The following CSGALNACT1 variants were observed in gnomAD, a reference collection of about 807,000 sequenced individuals.
CSGALNACT1 encodes the protein beta4GalNAcT-1.
A neutral mutation model predicts 51.0 loss-of-function variants in CSGALNACT1; 52 were observed. That is an observed-to-expected ratio of 1.02 (90% confidence interval 0.82 to 1.29). CSGALNACT1 has a LOEUF of 1.29. Ranked by LOEUF, CSGALNACT1 falls within the 50% of genes most tolerant of loss-of-function variation. The probability of loss-of-function intolerance (pLI) is 0.00; values close to 1 mark genes in which losing one functional copy is unlikely to be tolerated. For missense variants in CSGALNACT1, 935 were observed against 679.2 expected, an observed-to-expected ratio of 1.38 and a Z score of -4.19; for synonymous variants, 341 against 254.4, an observed-to-expected ratio of 1.34 and a Z score of -3.24.
At chr8:19,644,526 A>G (rs762346882) in intron 1 of CSGALNACT1, among the ~76,000 whole-genome samples, 43 of 151,564 alleles carry the variant, frequency 2.8e-4, no homozygotes, top group Non-Finnish European at 4.1e-4. Flanking sequence ...CCTGGCCAAC[A>G]TGGTAAAACC....
At chr8:19,623,822 C>T (rs948174383) in intron 1 of CSGALNACT1, among the ~76,000 whole-genome samples, 1 of 152,228 alleles carries the variant, frequency 6.6e-6, no homozygotes, top group Non-Finnish European at 1.5e-5. Context: ...TTCATCTATT[C>T]ACTGAAAGTG....
chr8:19,660,512 A>G (rs1398208616), intron 1 of CSGALNACT1, among the ~76,000 whole-genome samples: 1 of 152,164 alleles, frequency 6.6e-6, no homozygotes, highest in Admixed American at 6.5e-5. Flanking sequence ...AATTGGGAGG[A>G]ATACCAATGC....
chr8:19,711,996 G>T (rs1421329186), intron 1 of CSGALNACT1, among the ~76,000 whole-genome samples: 1 of 152,134 alleles, frequency 6.6e-6, no homozygotes, highest in Non-Finnish European at 1.5e-5. Context: ...GAAATAATAA[G>T]TGGTGAAGCC....
At chr8:19,530,237 C>A (rs1232950726) in intron 3 of CSGALNACT1, among the ~76,000 whole-genome samples, 1 of 150,786 alleles carries the variant, frequency 6.6e-6, no homozygotes, top group Non-Finnish European at 1.5e-5. Context: ...CAAAACAAAA[C>A]AAAACAAAAC....
At chr8:19,507,372 A>C (rs10105097) in intron 3 of CSGALNACT1, among the ~76,000 whole-genome samples, 63,684 of 151,260 alleles carry the variant, frequency 0.42, 14,323 homozygotes, top group African/African-American at 0.58. Flanking sequence ...CTCAATCTCA[A>C]CAAATGAGAA....
chr8:19,553,152 A>T (rs1195472531), intron 3 of CSGALNACT1, among the ~76,000 whole-genome samples: 2 of 152,188 alleles, frequency 1.3e-5, no homozygotes, highest in East Asian at 3.8e-4. Flanking sequence ...TATGTGAGAA[A>T]CAAAACAACA....
At chr8:19,726,101 G>T (rs1564475667) in intron 1 of CSGALNACT1, among the ~76,000 whole-genome samples, 1 of 152,040 alleles carries the variant, frequency 6.6e-6, no homozygotes, top group African/African-American at 2.4e-5. Flanking sequence ...ATGCGGCCTT[G>T]AATTTCCTAA....
intron 1 of CSGALNACT1, among the ~76,000 whole-genome samples, chr8:19,716,441 C>A (rs56359836): frequency 1.3e-5 from 2 of 151,738 alleles, no homozygotes; most frequent in African/African-American, 4.8e-5. Flanking sequence ...AAAACCATTT[C>A]TTCTTTGATA....
At chr8:19,493,968 A>G (rs1355939992) in intron 4 of CSGALNACT1, among the ~76,000 whole-genome samples, 1 of 151,998 alleles carries the variant, frequency 6.6e-6, no homozygotes, top group Non-Finnish European at 1.5e-5. Context: ...GAAACTGCCA[A>G]ACTATTTTCC....
At chr8:19,618,005 A>T (rs573328648) in intron 1 of CSGALNACT1, among the ~76,000 whole-genome samples, 80 of 151,918 alleles carry the variant, frequency 5.3e-4, no homozygotes, top group African/African-American at 1.8e-3. Context: ...TCAGCCCCCA[A>T]GCAGCTAGGA....
chr8:19,579,948 A>G (rs1172790995), intron 3 of CSGALNACT1, among the ~76,000 whole-genome samples: 1 of 152,232 alleles, frequency 6.6e-6, no homozygotes, highest in Non-Finnish European at 1.5e-5. Flanking sequence ...AGGAGGAGGA[A>G]GAGGAGGAGA....
At chr8:19,551,899 C>T (rs982898092) in intron 3 of CSGALNACT1, among the ~76,000 whole-genome samples, 6 of 152,022 alleles carry the variant, frequency 3.9e-5, no homozygotes, top group African/African-American at 1.2e-4. Flanking sequence ...CCTATATAAC[C>T]GTAAGTTCAA....
At chr8:19,578,229 C>G (rs1386585737) in intron 3 of CSGALNACT1, among the ~76,000 whole-genome samples, 1 of 152,180 alleles carries the variant, frequency 6.6e-6, no homozygotes, top group Non-Finnish European at 1.5e-5. Context: ...AAATATTTAT[C>G]ACCATTTCTA....
chr8:19,604,783 C>G (rs140522784), upstream of CSGALNACT1, among the ~76,000 whole-genome samples: 1,165 of 150,570 alleles, frequency 7.7e-3, 17 homozygotes, highest in African/African-American at 0.027. Flanking sequence ...CGCACGATGG[C>G]AGGTGCCTGT....
chr8:19,512,089 A>G (rs978095018), intron 3 of CSGALNACT1, among the ~76,000 whole-genome samples: 1 of 152,182 alleles, frequency 6.6e-6, no homozygotes, highest in African/African-American at 2.4e-5. Flanking sequence ...TGACCAACCA[A>G]TATGGCAGAA....
intron 3 of CSGALNACT1, among the ~76,000 whole-genome samples, chr8:19,540,192 A>G (rs1055575495): frequency 3.3e-5 from 5 of 152,226 alleles, no homozygotes; most frequent in Non-Finnish European, 7.3e-5. Context: ...CCTTGCTTCC[A>G]AAATAGTCTA....
intron 4 of CSGALNACT1, among the ~76,000 whole-genome samples, chr8:19,491,401 G>T (rs759322022): frequency 7.9e-5 from 12 of 152,140 alleles, no homozygotes; most frequent in African/African-American, 2.4e-4. Flanking sequence ...ACTGGAAAAA[G>T]CTATGAATAT....
chr8:19,564,391 G>C (rs1374961275), intron 3 of CSGALNACT1, among the ~76,000 whole-genome samples: 1 of 146,910 alleles, frequency 6.8e-6, no homozygotes, highest in Non-Finnish European at 1.5e-5. Flanking sequence ...CTCAGGTGAG[G>C]TTCAGGTATT....
intron 4 of CSGALNACT1, among the ~76,000 whole-genome samples, chr8:19,480,717 TGAA>T (rs2071128589): frequency 6.6e-6 from 1 of 152,190 alleles, no homozygotes; most frequent in African/African-American, 2.4e-5. Context: ...TGTCCAGCAA[TGAA>T]GAAGTAAAAC....
Sources: gnomAD v4.1 joint callset for allele counts (sites outside exome capture counted in the v4.1 genomes callset) on GRCh38, gnomAD v4.1.1 for gene constraint, MANE v1.5 for transcripts, NCBI Gene and HGNC (gene_info 2026-07-23, HGNC 2026-07-21) for gene names.